PNOC: variants seen among roughly 807,000 people sequenced by gnomAD.
The protein encoded by PNOC is nociceptin.
A neutral mutation model predicts 15.6 loss-of-function variants in PNOC; 10 were observed. That is an observed-to-expected ratio of 0.64 (90% CI 0.40 to 1.09). PNOC has a LOEUF of 1.09. PNOC is among the 50% of genes least tolerant of loss of function. The pLI is 0.01. For synonymous variants in PNOC, 98 were observed against 88.5 expected (o/e 1.11, Z -0.60); for missense variants, 220 against 223.9 (o/e 0.98, Z 0.11).
chr8:28,333,228 G>T (rs1801356630), intron 2 of PNOC, among the ~76,000 whole-genome samples: 3 of 152,088 alleles, frequency 2.0e-5, no homozygotes, highest in South Asian at 4.1e-4. Flanking sequence ...ATCCCCAATG[G>T]GTTCATATGC....
intron 1 of PNOC, among the ~76,000 whole-genome samples, chr8:28,324,804 A>C (rs1801199265): frequency 6.6e-6 from 1 of 152,200 alleles, no homozygotes; most frequent in Admixed American, 6.5e-5. Context: ...TGTGGGTTGC[A>C]GTGAGCCAAG....
chr8:28,323,566 T>G (rs1801179890), intron 1 of PNOC, among the ~76,000 whole-genome samples: 1 of 152,228 alleles, frequency 6.6e-6, no homozygotes, highest in Non-Finnish European at 1.5e-5. Context: ...CCTGTTATTA[T>G]CCCCACTTTG....
At chr8:28,330,349 A>T (rs896062800) in intron 2 of PNOC, among the ~76,000 whole-genome samples, 1 of 138,874 alleles carries the variant, frequency 7.2e-6, no homozygotes, top group Non-Finnish European at 1.6e-5. Context: ...TAACCACTGA[A>T]CAGGTATGTG....
chr8:28,336,526 A>C (rs183284275), intron 2 of PNOC, among the ~76,000 whole-genome samples: 1 of 152,312 alleles, frequency 6.6e-6, no homozygotes, highest in East Asian at 1.9e-4. Context: ...TGTTTAAGGC[A>C]CTAGGAACAG....
At chr8:28,328,556 G>A (rs1184753555) in intron 1 of PNOC, among the ~76,000 whole-genome samples, 1 of 152,142 alleles carries the variant, frequency 6.6e-6, no homozygotes, top group Non-Finnish European at 1.5e-5. Context: ...CAGCAGGGAA[G>A]GCCAGGAGGA....
intron 2 of PNOC, among the ~76,000 whole-genome samples, chr8:28,333,492 G>C (rs1048487220): frequency 1.3e-5 from 2 of 152,334 alleles, no homozygotes; most frequent in Admixed American, 1.3e-4. Flanking sequence ...CAGGCATTAA[G>C]CTCCTATGCC....
At position 28,342,214 on chromosome 8, in the gene PNOC, G is replaced by A. The variant is rs116696381; in HGVS notation, c.*48-728G>A. On this transcript the variant is annotated intron_variant, in intron 3 of 3. Coordinates refer to ENST00000301908, the MANE Select transcript of PNOC (RefSeq NM_006228.5). ...ACAAAAATTAGCCACTTAGCCGGGC[G>A]TTGTGGTGGGTGCCTGTAGTCCCAG... Among the ~76,000 whole-genome samples, 418 of 152,154 alleles carry A rather than the reference G, an allele frequency of 2.7e-3. 2 individuals are homozygous for A. The highest frequency in any genetic ancestry group is 9.5e-3 in the African/African-American group (396 of 41,522).
At chr8:28,338,743 T>G in intron 2 of PNOC, 2 of 1,105,202 alleles carry the variant, frequency 1.8e-6, no homozygotes, top group Non-Finnish European at 2.2e-6. Flanking sequence ...GTTGGGCGCA[T>G]TTATCCTGTG....
At chr8:28,337,137 C>T (rs1333542127) in intron 2 of PNOC, among the ~76,000 whole-genome samples, 2 of 152,124 alleles carry the variant, frequency 1.3e-5, no homozygotes, top group African/African-American at 2.4e-5. Flanking sequence ...CAGCTTCTAG[C>T]CCATGACTCC....
chr8:28,327,569 TC>T lies in PNOC; in HGVS notation c.-23-1565del, dbSNP rs201323157. ...GCTTATAAACAACATAAAATTCTTT[TC>T]TTTTTTTTTTTTTTGAGATGGAGTC... On this transcript the variant is annotated intron_variant, in intron 1 of 3. Transcript: ENST00000301908. Among the ~76,000 whole-genome samples the T allele has an allele frequency of 2.6e-4, 39 of 150,502 alleles. 6 individuals are homozygous for T. Among genetic ancestry groups the T allele is most frequent in the Non-Finnish European group, 2.8e-4 (19 of 67,288 alleles).
At chr8:28,331,823 T>C (rs1271067906) in intron 2 of PNOC, among the ~76,000 whole-genome samples, 1 of 152,180 alleles carries the variant, frequency 6.6e-6, no homozygotes, top group Non-Finnish European at 1.5e-5. Flanking sequence ...TCTCCCCATA[T>C]GGAGTGAGCT....
chr8:28,342,211 G>A (rs955868168), intron 3 of PNOC, among the ~76,000 whole-genome samples: 1 of 152,028 alleles, frequency 6.6e-6, no homozygotes, highest in Non-Finnish European at 1.5e-5. Flanking sequence ...CACTTAGCCG[G>A]GCGTTGTGGT....
chr8:28,338,965 C>G, intron 2 of PNOC, 75 bp from the exon 3 acceptor site: 1 of 1,358,014 alleles, frequency 7.4e-7, no homozygotes, highest in Non-Finnish European at 1.0e-6. Context: ...GTGCAGTGGG[C>G]CAGATCTCCT....
intron 2 of PNOC, among the ~76,000 whole-genome samples, chr8:28,330,400 T>TTTTTTTTTTTTA (rs1801309416): frequency 9.8e-6 from 1 of 102,228 alleles, no homozygotes; most frequent in Non-Finnish European, 2.0e-5. Context: ...TATTTTATTT[T>TTTTTTTTTTTTA]TTTTTTTTTT....
chr8:28,338,732 T>C, intron 2 of PNOC: 1 of 1,082,914 alleles, frequency 9.2e-7, no homozygotes, highest in Non-Finnish European at 1.1e-6. Flanking sequence ...CAAGGTGCGG[T>C]GTTGGGCGCA....
At chr8:28,328,869 C>T (rs563023182) in intron 1 of PNOC, among the ~76,000 whole-genome samples, 11 of 152,130 alleles carry the variant, frequency 7.2e-5, no homozygotes, top group Non-Finnish European at 1.3e-4. Context: ...TGGCAGGAAT[C>T]ACAGGGGTGT....
intron 2 of PNOC, chr8:28,338,475 C>G (rs1350464780): frequency 2.0e-6 from 1 of 488,346 alleles, no homozygotes; most frequent in Non-Finnish European, 2.7e-6. Context: ...GTCTTGACCC[C>G]ATTTGCTATA....
chr8:28,337,259 T>G (rs1282962590), intron 2 of PNOC, among the ~76,000 whole-genome samples: 1 of 152,220 alleles, frequency 6.6e-6, no homozygotes. Context: ...TCTTCCCACT[T>G]AAGTCAGTCT....
At chr8:28,333,455 G>A (rs1330969981) in intron 2 of PNOC, among the ~76,000 whole-genome samples, 5 of 152,184 alleles carry the variant, frequency 3.3e-5, no homozygotes, top group Non-Finnish European at 7.3e-5. Context: ...CTGGAAAAAG[G>A]CTGGTGAGTT....
Sources: allele counts gnomAD v4.1 joint callset (sites outside exome capture counted in the v4.1 genomes callset), GRCh38; gene constraint gnomAD v4.1.1; transcripts MANE v1.5; gene names NCBI Gene and HGNC (gene_info 2026-07-23, HGNC 2026-07-21).